SLC9A9: variants seen among roughly 807,000 people sequenced by gnomAD.
SLC9A9 encodes the protein solute carrier family 9 member A9, also known as sodium/hydrogen exchanger 9.
A neutral mutation model predicts 77.8 loss-of-function variants in SLC9A9; 62 were observed. That is an observed-to-expected ratio of 0.80 (90% CI 0.65 to 0.98). The LOEUF (loss-of-function observed/expected upper bound fraction) is 0.98. Among genes scored for constraint, SLC9A9 ranks in the 50% least tolerant of loss-of-function variants. The pLI, the probability that SLC9A9 is intolerant of heterozygous loss-of-function variation, is 0.00. For synonymous variants in SLC9A9, 320 were observed against 283.5 expected (o/e 1.13, Z -1.29); for missense variants, 775 against 774.9 (o/e 1.00, Z 0.00).
At chr3:143,281,604 A>G (rs958183911) in intron 14 of SLC9A9, among the ~76,000 whole-genome samples, 1 of 152,132 alleles carries the variant, frequency 6.6e-6, no homozygotes, top group African/African-American at 2.4e-5. Flanking sequence ...GACTACAGAG[A>G]GTTAGATTGC....
At position 143,473,006 on chromosome 3, in the gene SLC9A9, G is replaced by GT. The variant is rs35078461; in HGVS notation, c.1316-5817dup. Among the ~76,000 whole-genome samples, 1,348 of 146,298 alleles carry GT rather than the reference G, an allele frequency of 9.2e-3. 25 individuals are homozygous for GT. Among genetic ancestry groups the GT allele is most frequent in the African/African-American group, 0.026 (1,017 of 39,854 alleles). Reference sequence around the variant, plus strand: ...AATGGAGGTTTACAACTAGACTTGTGTTTTTTTTTTTTTCACTAGAAGTGC... The same window carrying GT: ...AATGGAGGTTTACAACTAGACTTGTGTTTTTTTTTTTTTTCACTAGAAGTGC... On this transcript the variant is annotated intron_variant, in intron 11 of 15. Transcript: ENST00000316549.
chr3:143,733,708 C>T (rs538544344), intron 4 of SLC9A9, among the ~76,000 whole-genome samples: 4 of 151,992 alleles, frequency 2.6e-5, no homozygotes, highest in East Asian at 1.9e-4. Flanking sequence ...CATGAGAACA[C>T]GGTGGTCATC....
At chr3:143,324,671 A>G (rs145068275) in intron 14 of SLC9A9, among the ~76,000 whole-genome samples, 1 of 152,082 alleles carries the variant, frequency 6.6e-6, no homozygotes, top group African/African-American at 2.4e-5. Flanking sequence ...AAATACAAAA[A>G]TTTAGGTGAG....
chr3:143,795,174 C>T, intron 3 of SLC9A9, 97 bp from the exon 4 acceptor site: 6 of 1,118,348 alleles, frequency 5.4e-6, no homozygotes, highest in South Asian at 5.3e-5. Flanking sequence ...AGACCCCTCA[C>T]TGTTTAGGCA....
At chr3:143,303,373 CTTT>C (rs112101322) in intron 14 of SLC9A9, among the ~76,000 whole-genome samples, 3 of 142,666 alleles carry the variant, frequency 2.1e-5, no homozygotes. Context: ...TTTTTCTTTT[CTTT>C]TTTTTTTTTT....
At chr3:143,315,120 GA>G (rs2108440850) in intron 14 of SLC9A9, among the ~76,000 whole-genome samples, 1 of 152,350 alleles carries the variant, frequency 6.6e-6, no homozygotes, top group East Asian at 1.9e-4. Flanking sequence ...GGCAGTCTTA[GA>G]ACATCTGATA....
intron 6 of SLC9A9, among the ~76,000 whole-genome samples, chr3:143,625,419 A>G (rs2038304210): frequency 6.6e-6 from 1 of 152,234 alleles, no homozygotes; most frequent in Non-Finnish European, 1.5e-5. Context: ...AAACAGAGAT[A>G]TAGACCAATG....
At position 143,402,845 on chromosome 3, in the gene SLC9A9, A is replaced by G. The variant is rs980315267; in HGVS notation, c.1470-20731T>C. ...TTCATTCACATTTAATGTTATTGAT[A>G]TAGTTGGATTTACTTCTTCCATTTT... is the stretch of plus-strand genomic sequence containing the variant. On this transcript the variant is annotated intron_variant, in intron 12 of 15. Transcript: ENST00000316549. Among the ~76,000 whole-genome samples the G allele has an allele frequency of 4.8e-5, 7 of 144,602 alleles. No individual in the cohort carries two copies. In the Admixed American group the frequency reaches 5.0e-4, roughly 10 times the overall value. 94.9% of individuals were successfully genotyped at this position (144,602 alleles called of 152,430 possible).
At chr3:143,661,877 TGTTGGA>T (rs1426321509) in intron 5 of SLC9A9, among the ~76,000 whole-genome samples, 1 of 152,174 alleles carries the variant, frequency 6.6e-6, no homozygotes, top group Non-Finnish European at 1.5e-5. Context: ...AGACAACTCC[TGTTGGA>T]GTTGTTCTAC....
chr3:143,688,856 T>C (rs1434667205), intron 5 of SLC9A9, among the ~76,000 whole-genome samples: 5 of 152,084 alleles, frequency 3.3e-5, no homozygotes, highest in African/African-American at 1.2e-4. Context: ...AAAAGATTCA[T>C]ATTCCTAACA....
chr3:143,409,873 G>A (rs1018338053), intron 12 of SLC9A9, among the ~76,000 whole-genome samples: 4 of 152,074 alleles, frequency 2.6e-5, no homozygotes, highest in Non-Finnish European at 4.4e-5. Flanking sequence ...TGGGGTTCTG[G>A]GCTGCAGGAA....
At chr3:143,669,682 A>G (rs2039128631) in intron 5 of SLC9A9, among the ~76,000 whole-genome samples, 1 of 152,196 alleles carries the variant, frequency 6.6e-6, no homozygotes, top group South Asian at 2.1e-4. Flanking sequence ...GTGGTTGGAA[A>G]CTTGACTGTG....
At chr3:143,679,489 T>C (rs1165312742) in intron 5 of SLC9A9, among the ~76,000 whole-genome samples, 1 of 152,192 alleles carries the variant, frequency 6.6e-6, no homozygotes, top group Non-Finnish European at 1.5e-5. Context: ...TTACCTGCAG[T>C]TGGGGGCCGT....
intron 5 of SLC9A9, among the ~76,000 whole-genome samples, chr3:143,659,324 T>C (rs375437329): frequency 3.3e-5 from 5 of 152,240 alleles, no homozygotes; most frequent in African/African-American, 1.2e-4. Flanking sequence ...ACCCATGACA[T>C]GTAAGAACTG....
rs186339867 is a variant in SLC9A9 at position 143,507,703 on chromosome 3, C to T, written c.1090-12255G>A. On this transcript the variant is annotated intron_variant, in intron 9 of 15. Transcript: ENST00000316549. ...CTCTTAGGTGGGAGTATGAAGAATA[C>T]ATGTCTTAGTTCTGGCTTCTATAAT... is the stretch of plus-strand genomic sequence containing the variant. Among the ~76,000 whole-genome samples, 702 of 152,274 alleles carry T rather than the reference C, an allele frequency of 4.6e-3. 11 individuals carry two copies. Among genetic ancestry groups the T allele is most frequent in the African/African-American group, 0.016 (669 of 41,552 alleles).
chr3:143,769,168 A>G (rs980408758), intron 4 of SLC9A9, among the ~76,000 whole-genome samples: 1 of 152,234 alleles, frequency 6.6e-6, no homozygotes, highest in East Asian at 1.9e-4. Context: ...ATTACTGCTC[A>G]TAATTAAAAA....
Position 143,578,709 on chromosome 3 carries a change from T to G in SLC9A9, c.770A>C (p.Tyr257Ser). 6.2e-7 allele frequency: 1 copy of G among 1,614,012 alleles called. No homozygotes were observed. The highest frequency in any genetic ancestry group is 8.5e-7 in the Non-Finnish European group (1 of 1,179,904). ...AIVLTYSISI[Y>S]SPKENPNAFD... is the part of the protein sequence containing the mutation. ...TGCATTTGGATTCTCCTTGGGACTG[T>G]AAATGGATATAGAACTGAAAAGAGA... Residue 257 changes from tyrosine to serine, a missense_variant, in exon 7 of 16, where the codon TAC becomes TCC. Transcript: ENST00000316549.
At chr3:143,496,260 A>C (rs1417264182) in intron 9 of SLC9A9, among the ~76,000 whole-genome samples, 1 of 152,218 alleles carries the variant, frequency 6.6e-6, no homozygotes, top group Non-Finnish European at 1.5e-5. Flanking sequence ...TTTCAGATTA[A>C]AAGTAAAAGG....
chr3:143,453,378 A>G (rs1186861685), intron 12 of SLC9A9, among the ~76,000 whole-genome samples: 2 of 152,116 alleles, frequency 1.3e-5, no homozygotes, highest in African/African-American at 4.8e-5. Flanking sequence ...AATAATACCT[A>G]AACCCAGTAA....
Sources: gnomAD v4.1 joint callset for allele counts (sites outside exome capture counted in the v4.1 genomes callset) on GRCh38, gnomAD v4.1.1 for gene constraint, MANE v1.5 for transcripts, NCBI Gene and HGNC (gene_info 2026-07-23, HGNC 2026-07-21) for gene names.